Variants in SLC9B1 observed in about 807,000 individuals in gnomAD.
SLC9B1 encodes the protein solute carrier family 9 member B1.
SLC9B1 carries 32 observed loss-of-function variants against 51.7 expected under a neutral mutation model. That is an observed-to-expected ratio of 0.62 (90% CI 0.47 to 0.83). SLC9B1 has a LOEUF of 0.83. Among genes scored for constraint, SLC9B1 ranks in the 40% least tolerant of loss-of-function variants. SLC9B1 has a pLI of 0.00. For synonymous variants in SLC9B1, 145 were observed against 212.7 expected, an observed-to-expected ratio of 0.68 and a Z score of 2.77; for missense variants, 406 against 613.2, an observed-to-expected ratio of 0.66 and a Z score of 3.57.
At chr4:102,979,633 GA>G (rs1739249738) in intron 3 of SLC9B1, among the ~76,000 whole-genome samples, 1 of 152,072 alleles carries the variant, frequency 6.6e-6, no homozygotes, top group African/African-American at 2.4e-5. Flanking sequence ...TCCACTAATG[GA>G]ACTATGTTCA....
At chr4:102,919,212 GC>G (rs1735738398) in intron 7 of SLC9B1, among the ~76,000 whole-genome samples, 1 of 152,138 alleles carries the variant, frequency 6.6e-6, no homozygotes, top group South Asian at 2.1e-4. Flanking sequence ...GCAAATTTCT[GC>G]AGTCAGCTTG....
chr4:103,011,797 C>T (rs1218948416), intron 1 of SLC9B1, among the ~76,000 whole-genome samples: 1 of 152,126 alleles, frequency 6.6e-6, no homozygotes, highest in Non-Finnish European at 1.5e-5. Context: ...GTTGACGTGG[C>T]CCTAGGCAGC....
chr4:102,978,506 G>C (rs1349967154), intron 3 of SLC9B1, among the ~76,000 whole-genome samples: 1 of 152,066 alleles, frequency 6.6e-6, no homozygotes, highest in Non-Finnish European at 1.5e-5. Flanking sequence ...GTGGGCGAAG[G>C]ATATGAACAG....
At chr4:102,924,373 G>T (rs1483638842) in intron 7 of SLC9B1, among the ~76,000 whole-genome samples, 2 of 152,100 alleles carry the variant, frequency 1.3e-5, no homozygotes, top group African/African-American at 4.8e-5. Flanking sequence ...ACTGAAACTG[G>T]ATCCCTTCCT....
In SLC9B1 at chr4:102,909,296, C is replaced by CAA. The variant is rs35570979; in HGVS notation, c.1086+1141_1086+1142dup. On this transcript the variant is annotated intron_variant, in intron 9 of 11. Coordinates refer to ENST00000296422, the MANE Select transcript of SLC9B1 (RefSeq NM_139173.4). ...TGGGCAACATAGAGAGACTCTGTCTCAAAAAAAAAAAAAGTCATTTCTAGG... is the reference window on the plus strand; with the variant it reads ...TGGGCAACATAGAGAGACTCTGTCTCAAAAAAAAAAAAAAAGTCATTTCTAGG... Among the ~76,000 whole-genome samples the CAA allele has an allele frequency of 9.9e-3, 1,432 of 144,520 alleles. 21 individuals are homozygous for CAA. The highest frequency in any genetic ancestry group is 0.032 in the African/African-American group (1,255 of 39,440). 94.8% of individuals were successfully genotyped at this position (144,520 alleles called of 152,430 possible).
At chr4:103,019,319 CTTCT>C (rs1193932210) in intron 1 of SLC9B1, among the ~76,000 whole-genome samples, 1 of 152,150 alleles carries the variant, frequency 6.6e-6, no homozygotes, top group Non-Finnish European at 1.5e-5. Context: ...TGACAGATCT[CTTCT>C]TTCTTACTGG....
intron 1 of SLC9B1, among the ~76,000 whole-genome samples, chr4:103,010,382 C>G (rs951480929): frequency 6.6e-6 from 1 of 152,116 alleles, no homozygotes; most frequent in Non-Finnish European, 1.5e-5. Context: ...TTAACCTCAC[C>G]CATGTGGGCA....
chr4:102,941,388 G>GA, intron 6 of SLC9B1: 1 of 443,486 alleles, frequency 2.3e-6, no homozygotes, highest in South Asian at 1.6e-5. Flanking sequence ...CAAGTATATG[G>GA]AAAAATATTC....
At chr4:102,936,062 T>C (rs2110463069) in intron 6 of SLC9B1, among the ~76,000 whole-genome samples, 1 of 152,268 alleles carries the variant, frequency 6.6e-6, no homozygotes, top group Non-Finnish European at 1.5e-5. Flanking sequence ...AACACCTCAG[T>C]GCTTAACACT....
intron 3 of SLC9B1, among the ~76,000 whole-genome samples, chr4:102,971,513 C>T (rs1277283168): frequency 6.6e-6 from 1 of 151,912 alleles, no homozygotes; most frequent in African/African-American, 2.4e-5. Context: ...ATTTATAGCA[C>T]TAAATAACCA....
At chr4:102,999,499 T>G (rs1290858636) in intron 1 of SLC9B1, among the ~76,000 whole-genome samples, 1 of 152,236 alleles carries the variant, frequency 6.6e-6, no homozygotes, top group Non-Finnish European at 1.5e-5. Context: ...TCTGTTTCCC[T>G]TTTCAATTTT....
chr4:102,907,760 C>T (rs1393450242), intron 9 of SLC9B1, among the ~76,000 whole-genome samples: 2 of 152,084 alleles, frequency 1.3e-5, no homozygotes, highest in Admixed American at 6.5e-5. Flanking sequence ...AACTATTTCC[C>T]TTATGACTGT....
chr4:102,981,768 T>C (rs988230774), intron 3 of SLC9B1, among the ~76,000 whole-genome samples: 1 of 152,194 alleles, frequency 6.6e-6, no homozygotes, highest in Non-Finnish European at 1.5e-5. Context: ...TTATCAAATA[T>C]GTCCTTTGCA....
At chr4:102,907,513 A>T (rs1282651587) in intron 9 of SLC9B1, among the ~76,000 whole-genome samples, 1 of 152,236 alleles carries the variant, frequency 6.6e-6, no homozygotes, top group African/African-American at 2.4e-5. Context: ...AACATATATT[A>T]GATTCTCATT....
chr4:102,949,499 C>T (rs1255100607), intron 3 of SLC9B1, 72 bp from the exon 4 acceptor site: 11 of 1,253,274 alleles, frequency 8.8e-6, no homozygotes, highest in Non-Finnish European at 1.2e-5. Flanking sequence ...GATCAATTCT[C>T]TTTTATCATA....
At chr4:102,965,372 G>T (rs1431202156) in intron 3 of SLC9B1, among the ~76,000 whole-genome samples, 1 of 152,090 alleles carries the variant, frequency 6.6e-6, no homozygotes, top group Non-Finnish European at 1.5e-5. Flanking sequence ...GTGCCAAGAG[G>T]CCAAACACAA....
At chr4:102,968,443 C>G (rs1297766343) in intron 3 of SLC9B1, among the ~76,000 whole-genome samples, 1 of 152,126 alleles carries the variant, frequency 6.6e-6, no homozygotes, top group Non-Finnish European at 1.5e-5. Flanking sequence ...GCAAAGGTTT[C>G]TTAGATATAA....
intron 1 of SLC9B1, among the ~76,000 whole-genome samples, chr4:103,009,125 T>G (rs548127268): frequency 6.6e-6 from 1 of 152,314 alleles, no homozygotes; most frequent in East Asian, 1.9e-4. Flanking sequence ...AGTCTATGAT[T>G]CTATTATCTG....
intron 3 of SLC9B1, among the ~76,000 whole-genome samples, chr4:102,970,164 G>A (rs1443804253): frequency 6.6e-6 from 1 of 152,114 alleles, no homozygotes. Flanking sequence ...CTCGAGAAGA[G>A]CAACCCCAAG....
Sources: allele counts gnomAD v4.1 joint callset (sites outside exome capture counted in the v4.1 genomes callset), GRCh38; gene constraint gnomAD v4.1.1; transcripts MANE v1.5; gene names NCBI Gene and HGNC (gene_info 2026-07-23, HGNC 2026-07-21).